C12orf56: variants seen among roughly 807,000 people sequenced by gnomAD.
C12orf56 encodes the protein chromosome 12 open reading frame 56, also known as uncharacterized protein C12orf56.
A neutral mutation model predicts 69.9 loss-of-function variants in C12orf56; 71 were observed. That is an observed-to-expected ratio of 1.02 (90% CI 0.84 to 1.24). C12orf56 has a LOEUF of 1.24. Among genes scored for constraint, C12orf56 ranks in the 50% most tolerant of loss-of-function variants. The pLI, the probability that C12orf56 is intolerant of heterozygous loss-of-function variation, is 0.00. For synonymous variants in C12orf56, 276 were observed against 274.1 expected, an observed-to-expected ratio of 1.01 and a Z score of -0.07; for missense variants, 732 against 738.5, an observed-to-expected ratio of 0.99 and a Z score of 0.10.
At chr12:64,321,110 T>C (rs2038766821) in intron 3 of C12orf56, among the ~76,000 whole-genome samples, 1 of 152,216 alleles carries the variant, frequency 6.6e-6, no homozygotes, top group South Asian at 2.1e-4. Flanking sequence ...CATTTCCTAA[T>C]TTTAAAATAG....
At chr12:64,380,795 T>C (rs2039710832) in intron 1 of C12orf56, among the ~76,000 whole-genome samples, 1 of 152,040 alleles carries the variant, frequency 6.6e-6, no homozygotes, top group Non-Finnish European at 1.5e-5. Flanking sequence ...ATAAAGAACG[T>C]GGGGAAGAGT....
At chr12:64,323,728 C>G (rs947385566) in intron 3 of C12orf56, among the ~76,000 whole-genome samples, 2 of 152,146 alleles carry the variant, frequency 1.3e-5, no homozygotes, top group African/African-American at 4.8e-5. Context: ...CCAGGCCGGT[C>G]TTAAACTCCT....
At chr12:64,286,210 A>G in intron 6 of C12orf56, 150 bp from the exon 7 acceptor site, 1 of 573,054 alleles carries the variant, frequency 1.7e-6, no homozygotes, top group East Asian at 3.1e-5. Context: ...GCATAACCCA[A>G]ATTGGAAACA....
chr12:64,383,429 T>C (rs1313752258), intron 1 of C12orf56, among the ~76,000 whole-genome samples: 8 of 151,886 alleles, frequency 5.3e-5, no homozygotes, highest in Non-Finnish European at 7.4e-5. Flanking sequence ...CAGGCTGGAG[T>C]GCAGTGGCGC....
At chr12:64,378,639 T>C (rs1379781546) in intron 1 of C12orf56, among the ~76,000 whole-genome samples, 1 of 152,166 alleles carries the variant, frequency 6.6e-6, no homozygotes, top group Non-Finnish European at 1.5e-5. Flanking sequence ...TTCACCATGT[T>C]GGCCAGGCTA....
intron 1 of C12orf56, among the ~76,000 whole-genome samples, chr12:64,366,837 T>C (rs2039490992): frequency 8.7e-6 from 1 of 114,652 alleles, no homozygotes; most frequent in African/African-American, 3.4e-5. Flanking sequence ...ATATATTATA[T>C]ATAACATACA....
At chr12:64,327,047 G>C (rs964845625) in intron 3 of C12orf56, among the ~76,000 whole-genome samples, 5 of 152,216 alleles carry the variant, frequency 3.3e-5, no homozygotes, top group African/African-American at 1.2e-4. Context: ...AGACAGACTT[G>C]AGCTTGCATG....
intron 5 of C12orf56, among the ~76,000 whole-genome samples, chr12:64,304,840 C>T (rs1284555991): frequency 1.3e-5 from 2 of 152,118 alleles, no homozygotes; most frequent in Non-Finnish European, 2.9e-5. Context: ...TTTAAGTAAC[C>T]TGTCCAAGCT....
intron 6 of C12orf56, among the ~76,000 whole-genome samples, chr12:64,286,437 T>C (rs532444869): frequency 6.6e-6 from 1 of 152,320 alleles, no homozygotes; most frequent in South Asian, 2.1e-4. Flanking sequence ...TGTGAGGATA[T>C]AATGAATAAT....
chr12:64,369,406 C>T (rs1368859356), intron 1 of C12orf56, among the ~76,000 whole-genome samples: 1 of 152,056 alleles, frequency 6.6e-6, no homozygotes, highest in African/African-American at 2.4e-5. Context: ...CCATATTGGC[C>T]GGGCTGGTCT....
Position 64,350,707 on chromosome 12 carries a change from C to T in C12orf56, c.415+2187G>A, listed in dbSNP as rs116227450. Among the ~76,000 whole-genome samples the T allele has an allele frequency of 2.1e-3, 319 of 152,278 alleles. 1 individual carries two copies. Among genetic ancestry groups the T allele is most frequent in the African/African-American group, 7.3e-3 (302 of 41,546 alleles). On this transcript the variant is annotated intron_variant, in intron 2 of 12. Transcript: ENST00000543942. ...CTTACAGGTATTTGAGAGTAAAAGC[C>T]CCTGGCTGGGCTCAGTTTTAGGAAG...
chr12:64,267,541 C>A (rs1364886522), intron 12 of C12orf56: 2 of 445,806 alleles, frequency 4.5e-6, no homozygotes, highest in East Asian at 8.7e-5. Context: ...GTCCTCACCA[C>A]AGTATGAGCA....
At chr12:64,322,312 T>C (rs1328092318) in intron 3 of C12orf56, among the ~76,000 whole-genome samples, 2 of 152,160 alleles carry the variant, frequency 1.3e-5, no homozygotes, top group African/African-American at 4.8e-5. Flanking sequence ...ATCTTCAAAT[T>C]CAGTGACTTT....
intron 1 of C12orf56, among the ~76,000 whole-genome samples, chr12:64,355,296 A>C (rs554446671): frequency 1.3e-5 from 2 of 152,262 alleles, no homozygotes; most frequent in East Asian, 1.9e-4. Context: ...AAAGCTAACA[A>C]TATCTACTCA....
intron 5 of C12orf56, among the ~76,000 whole-genome samples, chr12:64,308,659 A>T (rs1220188489): frequency 6.6e-6 from 1 of 151,770 alleles, no homozygotes; most frequent in Non-Finnish European, 1.5e-5. Flanking sequence ...CCTGGCCAAC[A>T]TGGTGAAACC....
intron 1 of C12orf56, among the ~76,000 whole-genome samples, chr12:64,380,118 A>AAC (rs2039696634): frequency 1.2e-5 from 1 of 84,268 alleles, no homozygotes; most frequent in African/African-American, 3.6e-5. Context: ...AAAAAAAAAA[A>AAC]AAAAAAAAAA....
rs142519337 is a variant in C12orf56, at chr12:64,315,237, G to A, written c.895-2485C>T. Among the ~76,000 whole-genome samples, 289 of 151,628 alleles carry A rather than the reference G, an allele frequency of 1.9e-3. 1 individual carries two copies. Among genetic ancestry groups the A allele is most frequent in the African/African-American group, 6.6e-3 (271 of 41,364 alleles). Reference sequence around the variant, plus strand: ...AACCTGTCTTGTGCTTAATATCAGAGTGGTGTAGTGGGTGGATGGTGGCAA... The same window carrying A: ...AACCTGTCTTGTGCTTAATATCAGAATGGTGTAGTGGGTGGATGGTGGCAA... On this transcript the variant is annotated intron_variant, in intron 4 of 12. Transcript: ENST00000543942.
At chr12:64,342,669 A>G (rs2136886911) in intron 2 of C12orf56, among the ~76,000 whole-genome samples, 1 of 152,320 alleles carries the variant, frequency 6.6e-6, no homozygotes, top group South Asian at 2.1e-4. Flanking sequence ...ATGTGTCAGA[A>G]AGCACCCAGT....
At chr12:64,271,189 C>T (rs1298491085) in intron 11 of C12orf56, among the ~76,000 whole-genome samples, 5 of 149,050 alleles carry the variant, frequency 3.4e-5, no homozygotes, top group Non-Finnish European at 3.0e-5. Flanking sequence ...GAGGCCAGGT[C>T]GGGCACTGTG....
Sources: gnomAD v4.1 joint callset for allele counts (sites outside exome capture counted in the v4.1 genomes callset) on GRCh38, gnomAD v4.1.1 for gene constraint, MANE v1.5 for transcripts, NCBI Gene and HGNC (gene_info 2026-07-23, HGNC 2026-07-21) for gene names.